ACACB: variants seen among roughly 807,000 people sequenced by gnomAD.
ACACB encodes acetyl-CoA carboxylase beta, also known as acetyl-CoA carboxylase 2.
A neutral mutation model predicts 278.8 loss-of-function variants in ACACB; 209 were observed. The observed-to-expected ratio is 0.75, with a 90% CI of 0.67 to 0.84. The LOEUF is 0.84. Among genes scored for constraint, ACACB ranks in the 40% least tolerant of loss-of-function variants. The pLI is 0.00. For missense variants in ACACB, 2,850 were observed against 3,269.0 expected, an observed-to-expected ratio of 0.87 and a Z score of 3.13; for synonymous variants, 1,174 against 1,285.6, an observed-to-expected ratio of 0.91 and a Z score of 1.86.
intron 1 of ACACB, among the ~76,000 whole-genome samples, chr12:109,121,153 T>A (rs886220945): frequency 1.6e-4 from 24 of 152,212 alleles, no homozygotes; most frequent in African/African-American, 5.1e-4. Context: ...TTGGCCAGGC[T>A]GGTCTCGAAC....
At chr12:109,248,629 C>T (rs2047012768) in intron 40 of ACACB, among the ~76,000 whole-genome samples, 1 of 152,198 alleles carries the variant, frequency 6.6e-6, no homozygotes, top group Non-Finnish European at 1.5e-5. Flanking sequence ...GCAGCTTACT[C>T]CACCTTCTTT....
chr12:109,238,108 G>A (rs1015881286), intron 34 of ACACB, among the ~76,000 whole-genome samples: 20 of 150,964 alleles, frequency 1.3e-4, no homozygotes, highest in Non-Finnish European at 2.4e-4. Flanking sequence ...AGAACCTAGC[G>A]CAAGGACCGA....
At chr12:109,140,215 TTTCCTTCC>T (rs757132750) in intron 2 of ACACB, among the ~76,000 whole-genome samples, 157 bp downstream of exon 2, 27 of 145,480 alleles carry the variant, frequency 1.9e-4, no homozygotes, top group Admixed American at 7.4e-4. Context: ...TTCTCAGAAG[TTTCCTTCC>T]TTCCTTCCTT....
intron 24 of ACACB, 51 bp downstream of exon 24, chr12:109,216,971 C>T (rs752904198): frequency 6.3e-7 from 1 of 1,584,996 alleles, no homozygotes; most frequent in Admixed American, 1.7e-5. Context: ...CAGGAGTCCA[C>T]AAACGTTTTC....
At chr12:109,170,353 C>T (rs1393379591) in intron 4 of ACACB, among the ~76,000 whole-genome samples, 2 of 152,172 alleles carry the variant, frequency 1.3e-5, no homozygotes, top group African/African-American at 4.8e-5. Context: ...GTGTCAGCCA[C>T]CGCGCCCAGC....
intron 42 of ACACB, chr12:109,252,509 A>T (rs2066925): frequency 0.23 from 42,614 of 186,074 alleles, 5,488 homozygotes; most frequent in East Asian, 0.36. Flanking sequence ...TTATGTGGTT[A>T]ATTTATAGTG....
upstream of ACACB, among the ~76,000 whole-genome samples, chr12:109,114,504 G>T (rs1186602296): frequency 6.6e-6 from 1 of 152,030 alleles, no homozygotes; most frequent in African/African-American, 2.4e-5. Flanking sequence ...CAGGACTGGT[G>T]ATTTCTTTCC....
chr12:109,164,892 C>T (rs546810975), intron 2 of ACACB, among the ~76,000 whole-genome samples: 1 of 151,766 alleles, frequency 6.6e-6, no homozygotes, highest in South Asian at 2.1e-4. Context: ...CCTGAATAGC[C>T]TTTCTTAGAA....
rs376880667 is a variant in ACACB at position 109,172,359 on chromosome 12, A to G, written c.1117+3A>G. The G allele has an allele frequency of 1.0e-4, 162 of 1,613,904 alleles. No homozygotes were observed. The highest frequency in any genetic ancestry group is 1.2e-4 in the Non-Finnish European group (142 of 1,179,940). On this transcript the variant is annotated splice_donor_region_variant and intron_variant, in intron 6 of 52. Coordinates refer to ENST00000338432, the MANE Select transcript of ACACB (RefSeq NM_001093.4). ...CAAGAATGGAGTTGCTTTCTTAGGTAGAGTGTGTCCCCATCAGATACATGG... is the reference window on the plus strand; with the variant it reads ...CAAGAATGGAGTTGCTTTCTTAGGTGGAGTGTGTCCCCATCAGATACATGG...
chr12:109,169,628 G>A (rs773441719), intron 4 of ACACB, among the ~76,000 whole-genome samples: 8 of 152,138 alleles, frequency 5.3e-5, no homozygotes, highest in Non-Finnish European at 1.2e-4. Context: ...CTCTATTGAA[G>A]GTGCTTCTCC....
intron 44 of ACACB, among the ~76,000 whole-genome samples, chr12:109,255,504 G>A (rs1029667505): frequency 2.0e-5 from 3 of 152,180 alleles, no homozygotes; most frequent in Non-Finnish European, 2.9e-5. Context: ...GCCAGTCCTC[G>A]GCAGATGCTG....
intron 34 of ACACB, among the ~76,000 whole-genome samples, chr12:109,238,812 A>C (rs1257632605): frequency 6.6e-6 from 1 of 151,796 alleles, no homozygotes; most frequent in African/African-American, 2.4e-5. Context: ...TGATCTGCCC[A>C]CTTCGGCCTC....
chr12:109,142,345 T>C (rs1025513152), intron 2 of ACACB, among the ~76,000 whole-genome samples: 43 of 152,288 alleles, frequency 2.8e-4, no homozygotes, highest in Non-Finnish European at 5.7e-4. Flanking sequence ...AAAATAGTCG[T>C]GAAGATTAAA....
chr12:109,139,394 C>T lies in ACACB; in HGVS notation c.-9-3C>T, dbSNP rs370897180. The T allele has an allele frequency of 3.7e-6, 6 of 1,603,668 alleles. No homozygotes were observed. The South Asian group carries it at 4.4e-5, about 12-fold the overall frequency. On this transcript the variant is annotated splice_polypyrimidine_tract_variant and splice_region_variant and intron_variant, in intron 1 of 52. Transcript: ENST00000338432. ...TAAAATGTCTCTCCTTTTCTCCTTA[C>T]AGATTTTCTGAATGGTCTTGCTTCT...
intron 47 of ACACB, 91 bp downstream of exon 47, chr12:109,259,199 G>C (rs1014770369): frequency 6.9e-7 from 1 of 1,455,066 alleles, no homozygotes. Flanking sequence ...GTCCTAGTCT[G>C]TGCCCATCAT....
At chr12:109,233,219 A>C (rs1322407542) in intron 29 of ACACB, among the ~76,000 whole-genome samples, 1 of 152,240 alleles carries the variant, frequency 6.6e-6, no homozygotes. Flanking sequence ...AACATATGTG[A>C]AATAACATAT....
intron 8 of ACACB, 39 bp from the exon 9 acceptor site, chr12:109,176,114 G>C: frequency 6.2e-7 from 1 of 1,612,364 alleles, no homozygotes; most frequent in Non-Finnish European, 8.5e-7. Flanking sequence ...TTGGCAACTG[G>C]CTAACCTCTA....
In ACACB at chr12:109,235,844, A is replaced by T. The variant is rs557987457; in HGVS notation, c.4446+197A>T. The T allele has an allele frequency of 1.2e-4, 62 of 537,110 alleles. No individual in the cohort carries two copies. The South Asian group carries it at 1.4e-3, about 12-fold the overall frequency. The allele number at this position is 537,110 out of a possible 1,614,324, so 33.3% of individuals were successfully genotyped here. A position where few individuals can be genotyped will look rare whatever the true frequency, so the allele number is the denominator to read the frequency against. On this transcript the variant is annotated intron_variant, in intron 33 of 52. Transcript: ENST00000338432. Reference sequence around the variant, plus strand: ...GAGACCCTGTCTCTACAAAAAAATTAAAAAATCAGCCTGGCATTGTGATGC... The same window carrying T: ...GAGACCCTGTCTCTACAAAAAAATTTAAAAATCAGCCTGGCATTGTGATGC...
chr12:109,115,122 T>C (rs1294185767), upstream of ACACB, among the ~76,000 whole-genome samples: 1 of 152,218 alleles, frequency 6.6e-6, no homozygotes, highest in African/African-American at 2.4e-5. Flanking sequence ...ATGAATTTCA[T>C]TAGAAAGATA....
Sources: allele counts gnomAD v4.1 joint callset (sites outside exome capture counted in the v4.1 genomes callset), GRCh38; gene constraint gnomAD v4.1.1; transcripts MANE v1.5; gene names NCBI Gene and HGNC (gene_info 2026-07-23, HGNC 2026-07-21).